The following UVSSA variants were observed in gnomAD, a reference collection of about 807,000 sequenced individuals.
UVSSA encodes the protein UV stimulated scaffold protein A.
In UVSSA, 72 loss-of-function variants were observed where a neutral mutation model predicts 73.9. The observed-to-expected ratio is 0.97, with a 90% CI of 0.81 to 1.19. The LOEUF is 1.19. Among genes scored for constraint, UVSSA ranks in the 50% most tolerant of loss-of-function variants. The probability of loss-of-function intolerance (pLI) is 0.00; values close to 1 mark genes in which losing one functional copy is unlikely to be tolerated. For synonymous variants in UVSSA, 454 were observed against 391.3 expected (o/e 1.16, Z -1.89); for missense variants, 1,150 against 965.0 (o/e 1.19, Z -2.54).
At chr4:1,377,296 G>C (rs1250396638) in intron 10 of UVSSA, among the ~76,000 whole-genome samples, 14 of 152,190 alleles carry the variant, frequency 9.2e-5, no homozygotes. Flanking sequence ...TGTTCCCGGG[G>C]TTCTGCTGGG....
At chr4:1,369,060 A>G (rs1001003440) in intron 8 of UVSSA, among the ~76,000 whole-genome samples, 1 of 152,218 alleles carries the variant, frequency 6.6e-6, no homozygotes, top group Non-Finnish European at 1.5e-5. Context: ...GGGCAGGCAG[A>G]GGCCCTGGTG....
chr4:1,380,930 C>T lies in UVSSA; in HGVS notation c.1803C>T (p.Leu601=), dbSNP rs754544876. The change falls in exon 12 of 14, where the codon CTC becomes CTT. Residue 601 remains leucine, a synonymous_variant. Transcript: ENST00000389851. The part of the protein sequence containing the change: ...IVPRDDEGRP[L]DPEDRAREQR... ...CACGGGACGACGAAGGACGGCCGCT[C>T]GACCCGGAAGACAGGGCTCGTGAGC... 27 of 1,612,926 alleles carry T rather than the reference C, an allele frequency of 1.7e-5. No individual in the cohort carries two copies. The highest frequency in any genetic ancestry group is 6.7e-5 in the African/African-American group (5 of 74,936).
chr4:1,350,465 C>G (rs1406130799), intron 3 of UVSSA, among the ~76,000 whole-genome samples: 12 of 152,228 alleles, frequency 7.9e-5, no homozygotes, highest in Non-Finnish European at 1.5e-4. Flanking sequence ...GGGTTTGTTT[C>G]AGACTCCTGG....
chr4:1,347,008 A>T (rs1362812537), upstream of UVSSA, among the ~76,000 whole-genome samples: 1 of 152,050 alleles, frequency 6.6e-6, no homozygotes, highest in South Asian at 2.1e-4. Flanking sequence ...TTGGCTGTCG[A>T]GCTCAGGGCA....
intron 13 of UVSSA, chr4:1,385,596 G>A: frequency 2.0e-6 from 1 of 495,592 alleles, no homozygotes; most frequent in East Asian, 3.5e-5. Context: ...GTGCCAAGGT[G>A]GGGCTGGGGC....
At chr4:1,353,755 A>G (rs1403810466) in intron 5 of UVSSA, among the ~76,000 whole-genome samples, 5 of 152,120 alleles carry the variant, frequency 3.3e-5, no homozygotes, top group African/African-American at 4.8e-5. Context: ...CCTGACCTCC[A>G]AGTGACTGGA....
chr4:1,351,593 G>C, intron 3 of UVSSA, 122 bp from the exon 4 acceptor site: 1 of 1,060,182 alleles, frequency 9.4e-7, no homozygotes, highest in Admixed American at 2.8e-5. Flanking sequence ...GTTTCACCGT[G>C]TTAGCCAGGA....
chr4:1,395,535 G>A lies in UVSSA; in HGVS notation c.*9574G>A, dbSNP rs1140011. 635 of 1,591,338 alleles carry A rather than the reference G, an allele frequency of 4.0e-4. 4 individuals are homozygous for A. Among genetic ancestry groups the A allele is most frequent in the Middle Eastern group, 3.7e-3 (22 of 5,884 alleles). On this transcript the variant is annotated 3_prime_UTR_variant, in exon 14 of 14. Coordinates refer to the UVSSA transcript ENST00000511216. Reference sequence around the variant, plus strand: ...ACACACATGCCGATGTGGAGTGCCCGCCTGCTCACACGTGCCCATGTGGAG... The same window carrying A: ...ACACACATGCCGATGTGGAGTGCCCACCTGCTCACACGTGCCCATGTGGAG...
upstream of UVSSA, among the ~76,000 whole-genome samples, chr4:1,347,102 G>C (rs1401920092): frequency 1.3e-5 from 2 of 152,008 alleles, no homozygotes; most frequent in African/African-American, 4.8e-5. Flanking sequence ...AGTCGTCGCT[G>C]TGGTGACCCC....
At chr4:1,348,903 T>G (rs558696140) in intron 2 of UVSSA, among the ~76,000 whole-genome samples, 2 of 152,280 alleles carry the variant, frequency 1.3e-5, no homozygotes, top group South Asian at 2.1e-4. Flanking sequence ...CTCTAGGCCT[T>G]CCTTCCTTCC....
intron 7 of UVSSA, among the ~76,000 whole-genome samples, chr4:1,360,893 A>G (rs554195135): frequency 6.6e-6 from 1 of 152,190 alleles, no homozygotes; most frequent in Non-Finnish European, 1.5e-5. Flanking sequence ...CAGCTTCCTG[A>G]GCACTGCACC....
chr4:1,349,382 T>G, intron 2 of UVSSA, 142 bp from the exon 3 acceptor site: 1 of 817,768 alleles, frequency 1.2e-6, no homozygotes, highest in East Asian at 2.7e-5. Flanking sequence ...TTGCAGACCC[T>G]GCTCTAGAAA....
intron 5 of UVSSA, 159 bp from the exon 6 acceptor site, chr4:1,354,576 C>T (rs990086869): frequency 5.4e-5 from 34 of 624,912 alleles, no homozygotes; most frequent in Non-Finnish European, 6.3e-5. Context: ...AAAACACTTC[C>T]TTCTCACAGC....
chr4:1,376,767 C>T (rs1016011511), intron 10 of UVSSA, among the ~76,000 whole-genome samples: 11 of 152,228 alleles, frequency 7.2e-5, no homozygotes, highest in Non-Finnish European at 1.2e-4. Context: ...TGCCACAGCT[C>T]GCTGGCACGG....
intron 8 of UVSSA, among the ~76,000 whole-genome samples, chr4:1,370,934 C>G (rs796393223): frequency 2.6e-5 from 4 of 152,344 alleles, no homozygotes; most frequent in African/African-American, 9.6e-5. Flanking sequence ...GAGCAAGGCC[C>G]TTTGTCCTTA....
intron 7 of UVSSA, among the ~76,000 whole-genome samples, chr4:1,364,620 T>G (rs1007921455): frequency 6.6e-6 from 1 of 152,180 alleles, no homozygotes; most frequent in Non-Finnish European, 1.5e-5. Flanking sequence ...TATAAACCCA[T>G]TAAGGGTCCC....
chr4:1,392,294 T>C (rs1308728905), downstream of UVSSA: 6 of 152,272 alleles, frequency 3.9e-5, no homozygotes, highest in Non-Finnish European at 8.8e-5. Context: ...TAATTATTGC[T>C]TTATGCAGTT....
At chr4:1,354,517 G>C (rs547567516) in intron 5 of UVSSA, 3 of 570,522 alleles carry the variant, frequency 5.3e-6, no homozygotes, top group African/African-American at 3.7e-5. Flanking sequence ...GGAGCTGCGT[G>C]TGAGGGGAGG....
At chr4:1,380,786 G>T in intron 11 of UVSSA, 94 bp from the exon 12 acceptor site, 1 of 1,587,404 alleles carries the variant, frequency 6.3e-7, no homozygotes, top group Non-Finnish European at 8.6e-7. Flanking sequence ...ACCCACCCTG[G>T]TCGCTGTTTG....
Sources: gnomAD v4.1 joint callset for allele counts (sites outside exome capture counted in the v4.1 genomes callset) on GRCh38, gnomAD v4.1.1 for gene constraint, MANE v1.5 for transcripts, NCBI Gene and HGNC (gene_info 2026-07-23, HGNC 2026-07-21) for gene names.